PAWR: variants seen among roughly 807,000 people sequenced by gnomAD.
PAWR encodes the protein PRKC apoptosis WT1 regulator protein.
In PAWR, 23 loss-of-function variants were observed where a neutral mutation model predicts 32.0. The ratio of observed to expected loss-of-function variants is 0.72; its 90% CI spans 0.52 to 1.02. The LOEUF (loss-of-function observed/expected upper bound fraction) is 1.02, where lower values mean the gene tolerates loss of function less well. Among genes scored for constraint, PAWR ranks in the 50% least tolerant of loss-of-function variants. The pLI is 0.00. For synonymous variants in PAWR, 226 were observed against 187.1 expected (o/e 1.21, Z -1.70); for missense variants, 457 against 437.7 (o/e 1.04, Z -0.39).
At chr12:79,675,273 G>T (rs984512645) in intron 2 of PAWR, among the ~76,000 whole-genome samples, 2 of 152,158 alleles carry the variant, frequency 1.3e-5, no homozygotes, top group Non-Finnish European at 2.9e-5. Flanking sequence ...AGCTACTCGG[G>T]AGGCTGAGGT....
intron 2 of PAWR, among the ~76,000 whole-genome samples, chr12:79,686,174 G>T (rs1261173718): frequency 6.6e-6 from 1 of 152,110 alleles, no homozygotes; most frequent in Non-Finnish European, 1.5e-5. Context: ...CCTATTCAAA[G>T]ATTACATTTT....
chr12:79,638,790 G>GGTGTGTGTGT (rs34039182), intron 2 of PAWR, among the ~76,000 whole-genome samples: 15 of 105,272 alleles, frequency 1.4e-4, no homozygotes, highest in Non-Finnish European at 2.2e-4. Context: ...TTATATTTGG[G>GGTGTGTGTGT]GTGTGTGTGT....
chr12:79,686,881 A>G (rs970769728), intron 2 of PAWR, among the ~76,000 whole-genome samples: 1 of 152,220 alleles, frequency 6.6e-6, no homozygotes, highest in East Asian at 1.9e-4. Context: ...TTTTCATGTA[A>G]TTATGCCTTA....
intron 2 of PAWR, among the ~76,000 whole-genome samples, chr12:79,622,979 T>C (rs1213608755): frequency 6.6e-6 from 1 of 152,166 alleles, no homozygotes; most frequent in East Asian, 1.9e-4. Context: ...TTTAGACTTC[T>C]CACTCCATAG....
intron 2 of PAWR, among the ~76,000 whole-genome samples, chr12:79,639,881 T>TATTCCTATTCCTATTCCCATTCC: frequency 8.9e-6 from 1 of 112,502 alleles, no homozygotes; most frequent in Admixed American, 8.5e-5. Flanking sequence ...TTCCTATTCC[T>TATTCCTATTCCTATTCCCATTCC]ATTCCATTCC....
intron 2 of PAWR, among the ~76,000 whole-genome samples, chr12:79,648,693 G>A (rs1876696084): frequency 6.6e-6 from 1 of 151,326 alleles, no homozygotes; most frequent in East Asian, 1.9e-4. Context: ...GGAGGCAGAG[G>A]TGGGAGGGTC....
chr12:79,605,811 C>T (rs1247160189), intron 4 of PAWR, among the ~76,000 whole-genome samples: 1 of 152,134 alleles, frequency 6.6e-6, no homozygotes, highest in Non-Finnish European at 1.5e-5. Context: ...CAGTGGCTCA[C>T]GCCTGTAATC....
chr12:79,679,913 C>G (rs868684716), intron 2 of PAWR, among the ~76,000 whole-genome samples: 1 of 152,128 alleles, frequency 6.6e-6, no homozygotes, highest in Non-Finnish European at 1.5e-5. Context: ...TATTAGTATA[C>G]TCTTATATGA....
At chr12:79,640,310 C>T (rs1876259757) in intron 2 of PAWR, among the ~76,000 whole-genome samples, 1 of 152,090 alleles carries the variant, frequency 6.6e-6, no homozygotes, top group South Asian at 2.1e-4. Context: ...TCTCCCATCC[C>T]TCCACCCCAA....
At chr12:79,630,258 T>C (rs1175181727) in intron 2 of PAWR, among the ~76,000 whole-genome samples, 4 of 151,694 alleles carry the variant, frequency 2.6e-5, no homozygotes, top group East Asian at 1.9e-4. Flanking sequence ...TATTCTATGA[T>C]ATTAAAAGAT....
intron 4 of PAWR, among the ~76,000 whole-genome samples, chr12:79,603,408 C>A (rs998064008): frequency 1.3e-5 from 2 of 151,704 alleles, no homozygotes; most frequent in African/African-American, 4.8e-5. Flanking sequence ...TATAGAAGAC[C>A]ATTAGAAGCA....
chr12:79,642,204 C>G (rs1056448485), intron 2 of PAWR, among the ~76,000 whole-genome samples: 1 of 152,082 alleles, frequency 6.6e-6, no homozygotes, highest in African/African-American at 2.4e-5. Context: ...AGACTACATA[C>G]AAGAAAATTA....
At chr12:79,632,243 G>A (rs1257103660) in intron 2 of PAWR, 2 of 129,244 alleles carry the variant, frequency 1.5e-5, no homozygotes, top group Non-Finnish European at 3.1e-5. Flanking sequence ...TGTTATTGGC[G>A]TAAAGATATT....
Position 79,689,932 on chromosome 12 carries a change from G to A in PAWR, c.313C>T (p.Pro105Ser). Reference sequence around the variant, plus strand: ...GGGGGCTCGTCCTCCGACCGCCGCGGGCCGGGGGCCGCCCGCGTCAGCATG... The same window carrying A: ...GGGGGCTCGTCCTCCGACCGCCGCGAGCCGGGGGCCGCCCGCGTCAGCATG... ...SAMLTRAAPG[P>S]RRSEDEPPAA... Residue 105 changes from proline (P) to serine (S), a missense_variant, in exon 2 of 7, where the codon CCG becomes TCG. Transcript: ENST00000328827. The A allele has an allele frequency of 1.4e-6, 2 of 1,409,038 alleles. No individual in the cohort carries two copies. Among genetic ancestry groups the A allele is most frequent in the Non-Finnish European group, 1.8e-6 (2 of 1,087,898 alleles). 87.3% of individuals were successfully genotyped at this position (1,409,038 alleles called of 1,614,324 possible). A position where few individuals can be genotyped will look rare whatever the true frequency, so the allele number is the denominator to read the frequency against.
At chr12:79,625,749 G>C (rs1378149863) in intron 2 of PAWR, among the ~76,000 whole-genome samples, 1 of 151,998 alleles carries the variant, frequency 6.6e-6, no homozygotes, top group Non-Finnish European at 1.5e-5. Flanking sequence ...GAACGCGGGA[G>C]GCAGAGCTTG....
intron 2 of PAWR, among the ~76,000 whole-genome samples, chr12:79,670,166 T>C (rs1245070538): frequency 6.6e-6 from 1 of 152,132 alleles, no homozygotes; most frequent in African/African-American, 2.4e-5. Flanking sequence ...CTATTGTTTT[T>C]CCCCCATTTT....
chr12:79,677,715 G>A (rs1476053777), intron 2 of PAWR, among the ~76,000 whole-genome samples: 1 of 152,166 alleles, frequency 6.6e-6, no homozygotes, highest in African/African-American at 2.4e-5. Context: ...AGGGAAGTAT[G>A]GAGGGAGAAA....
chr12:79,601,515 T>C (rs1873962182), intron 4 of PAWR, among the ~76,000 whole-genome samples: 1 of 152,142 alleles, frequency 6.6e-6, no homozygotes. Flanking sequence ...CTGAAAGCTA[T>C]TTTATGGAAG....
chr12:79,627,306 A>C (rs554909656), intron 2 of PAWR, among the ~76,000 whole-genome samples: 2 of 152,256 alleles, frequency 1.3e-5, no homozygotes, highest in East Asian at 3.9e-4. Context: ...ATGGTATCTC[A>C]TTGTGGTTTT....
Sources: gnomAD v4.1 joint callset for allele counts (sites outside exome capture counted in the v4.1 genomes callset) on GRCh38, gnomAD v4.1.1 for gene constraint, MANE v1.5 for transcripts, NCBI Gene and HGNC (gene_info 2026-07-23, HGNC 2026-07-21) for gene names.